Variants in AGL observed in about 807,000 individuals in gnomAD.
AGL encodes amylo-alpha-1,6-glucosidase and 4-alpha-glucanotransferase, also known as glycogen debranching enzyme.
In AGL, 128 loss-of-function variants were observed where a neutral mutation model predicts 199.3. That is an observed-to-expected ratio of 0.64 (90% CI 0.56 to 0.74). The LOEUF (loss-of-function observed/expected upper bound fraction) is 0.74, where lower values mean the gene tolerates loss of function less well. AGL is among the 30% of genes least tolerant of loss of function. The probability of loss-of-function intolerance (pLI) is 0.00; values close to 1 mark genes in which losing one functional copy is unlikely to be tolerated. For missense variants in AGL, 1,809 were observed against 1,820.8 expected (o/e 0.99, Z 0.12); for synonymous variants, 584 against 594.7 (o/e 0.98, Z 0.26).
rs1192191832 is a variant in AGL, at chr1:99,888,097, C to T, written c.2801C>T (p.Ala934Val). ...DIPNWSALKY[A>V]GLQGLMSVLA... ...CCAAACTGGTCAGCCCTTAAATATG[C>T]AGGTCTTCAAGGTAAGCAAATGGAA... Residue 934 changes from alanine (A) to valine (V), a missense_variant, in exon 21 of 34, where the codon GCA becomes GTA. Ala to Val is a moderately conservative substitution (Grantham distance 64, BLOSUM62 0). Transcript: ENST00000361915. The T allele has an allele frequency of 6.2e-7, 1 of 1,612,956 alleles. No individual in the cohort carries two copies. The highest frequency in any genetic ancestry group is 8.5e-7 in the Non-Finnish European group (1 of 1,179,444).
chr1:99,857,847 A>AGGGAGACCGTGGGG (rs1649685231), intron 2 of AGL, among the ~76,000 whole-genome samples: 1 of 8,224 alleles, frequency 1.2e-4, no homozygotes, highest in African/African-American at 4.8e-4. Flanking sequence ...GGGGAGGGGG[A>AGGGAGACCGTGGGG]GGGGGGAAGA....
intron 27 of AGL, among the ~76,000 whole-genome samples, chr1:99,910,024 A>G (rs12039154): frequency 0.38 from 57,244 of 152,068 alleles, 11,868 homozygotes; most frequent in East Asian, 0.56. Context: ...AAACTTTTAC[A>G]AAAAAGTTAT....
chr1:99,857,148 C>T (rs1649563686), intron 2 of AGL, among the ~76,000 whole-genome samples: 2 of 152,000 alleles, frequency 1.3e-5, no homozygotes, highest in Non-Finnish European at 2.9e-5. Flanking sequence ...GGCGGCCGGG[C>T]AGAGGCGCCC....
chr1:99,870,252 T>C, intron 5 of AGL, 148 bp from the exon 6 acceptor site: 1 of 812,582 alleles, frequency 1.2e-6, no homozygotes, highest in Non-Finnish European at 1.9e-6. Context: ...AAAAAACTTT[T>C]CCTGTAACAG....
intron 2 of AGL, among the ~76,000 whole-genome samples, chr1:99,853,267 C>T (rs1219291881): frequency 1.3e-5 from 2 of 152,196 alleles, no homozygotes; most frequent in Non-Finnish European, 2.9e-5. Flanking sequence ...TCTCATTCTC[C>T]ATCATTAATG....
chr1:99,867,047 G>A (rs1447835370), intron 5 of AGL, among the ~76,000 whole-genome samples: 6 of 152,180 alleles, frequency 3.9e-5, no homozygotes, highest in African/African-American at 1.2e-4. Flanking sequence ...TTGAACTCCC[G>A]ACCTCAAGTG....
chr1:99,865,206 A>AGG (rs1650410072), intron 5 of AGL, among the ~76,000 whole-genome samples: 1 of 152,212 alleles, frequency 6.6e-6, no homozygotes, highest in Non-Finnish European at 1.5e-5. Flanking sequence ...CTATAGTTTT[A>AGG]CACATCCACT....
At chr1:99,902,366 A>G (rs1287431509) in intron 26 of AGL, among the ~76,000 whole-genome samples, 1 of 152,212 alleles carries the variant, frequency 6.6e-6, no homozygotes, top group East Asian at 1.9e-4. Context: ...GATGCTGGAT[A>G]ACAAGCTAGG....
intron 2 of AGL, among the ~76,000 whole-genome samples, chr1:99,853,604 T>C (rs1254026095): frequency 1.3e-5 from 2 of 152,180 alleles, no homozygotes; most frequent in Admixed American, 6.5e-5. Flanking sequence ...TCTGTGAGAA[T>C]TGATGAGGGC....
intron 27 of AGL, among the ~76,000 whole-genome samples, chr1:99,903,822 G>A (rs1245311548): frequency 6.6e-6 from 1 of 152,078 alleles, no homozygotes; most frequent in Admixed American, 6.5e-5. Flanking sequence ...TTTAATGATT[G>A]CCATTCTAAC....
chr1:99,890,730 G>A (rs1267356114), intron 21 of AGL, among the ~76,000 whole-genome samples: 4 of 151,768 alleles, frequency 2.6e-5, no homozygotes, highest in Non-Finnish European at 4.4e-5. Context: ...TCCTTCCAAA[G>A]CATGCTTTAT....
intron 27 of AGL, among the ~76,000 whole-genome samples, chr1:99,905,283 G>A (rs1023710589): frequency 3.3e-5 from 5 of 152,062 alleles, no homozygotes; most frequent in African/African-American, 1.2e-4. Context: ...TGCAATCTCT[G>A]CCTCCTGGGT....
intron 27 of AGL, among the ~76,000 whole-genome samples, chr1:99,905,277 A>G (rs542508): frequency 6.6e-6 from 1 of 152,082 alleles, no homozygotes; most frequent in Non-Finnish European, 1.5e-5. Context: ...GCTCACTGCA[A>G]TCTCTGCCTC....
At chr1:99,883,109 G>C (rs1652183212) in intron 17 of AGL, among the ~76,000 whole-genome samples, 1 of 152,030 alleles carries the variant, frequency 6.6e-6, no homozygotes, top group Non-Finnish European at 1.5e-5. Flanking sequence ...CTGTTATTAT[G>C]CCCTTTTAAA....
At chr1:99,914,765 G>A (rs977969316) in intron 30 of AGL, among the ~76,000 whole-genome samples, 2 of 152,146 alleles carry the variant, frequency 1.3e-5, no homozygotes, top group East Asian at 3.9e-4. Flanking sequence ...ATCTGCTGAA[G>A]AATGAGTTAC....
chr1:99,910,398 C>T (rs1236227390), intron 27 of AGL, among the ~76,000 whole-genome samples: 1 of 152,040 alleles, frequency 6.6e-6, no homozygotes, highest in Non-Finnish European at 1.5e-5. Flanking sequence ...TTATCCATTC[C>T]TCTATTGAGC....
intron 31 of AGL, 85 bp from the exon 32 acceptor site, chr1:99,916,325 T>TA: frequency 1.9e-6 from 2 of 1,044,084 alleles, no homozygotes; most frequent in South Asian, 1.4e-5. Flanking sequence ...TTATTTCTCT[T>TA]ACCTTTGTTA....
intron 2 of AGL, among the ~76,000 whole-genome samples, chr1:99,853,763 C>T (rs1649166709): frequency 6.6e-6 from 1 of 152,128 alleles, no homozygotes; most frequent in South Asian, 2.1e-4. Context: ...ATGGTGCTTG[C>T]CTGTGGTCCC....
intron 25 of AGL, among the ~76,000 whole-genome samples, chr1:99,897,203 T>G (rs896956883): frequency 6.6e-6 from 1 of 152,240 alleles, no homozygotes; most frequent in African/African-American, 2.4e-5. Flanking sequence ...CCACTCAAAA[T>G]GCATTCCACA....
Sources: allele counts gnomAD v4.1 joint callset (sites outside exome capture counted in the v4.1 genomes callset), GRCh38; gene constraint gnomAD v4.1.1; transcripts MANE v1.5; gene names NCBI Gene and HGNC (gene_info 2026-07-23, HGNC 2026-07-21).